The following MNDA variants were observed in gnomAD, a reference collection of about 807,000 sequenced individuals.
MNDA encodes epididymis secretory sperm binding protein.
In MNDA, 43 loss-of-function variants were observed where a neutral mutation model predicts 37.8. That is an observed-to-expected ratio of 1.14 (90% confidence interval 0.89 to 1.47). The LOEUF is 1.47. Among genes scored for constraint, MNDA ranks in the 40% most tolerant of loss-of-function variants. MNDA has a pLI of 0.00. For missense variants in MNDA, 536 were observed against 476.0 expected (o/e 1.13, Z -1.17); for synonymous variants, 181 against 169.0 (o/e 1.07, Z -0.55).
intron 1 of MNDA, among the ~76,000 whole-genome samples, chr1:158,832,949 T>C (rs1242262252): frequency 1.3e-5 from 2 of 152,150 alleles, no homozygotes; most frequent in Non-Finnish European, 2.9e-5. Context: ...TTTCAATTTA[T>C]AGCACTTATT....
In MNDA at chr1:158,847,780, C is replaced by G; in HGVS notation, c.1040C>G (p.Ser347Cys). 1 of 1,613,830 alleles carries G rather than the reference C, an allele frequency of 6.2e-7. No individual in the cohort carries two copies. Among genetic ancestry groups the G allele is most frequent in the Non-Finnish European group, 8.5e-7 (1 of 1,179,862 alleles). The part of the protein sequence containing the change: ...TIYEIQDNTG[S>C]MDVVGSGKWH... ...TATGAAATACAGGATAATACAGGAT[C>G]CATGGATGTAGTGGGGAGTGGAAAA... is the stretch of plus-strand genomic sequence containing the variant. Residue 347 changes from serine (S) to cysteine (C), a missense_variant, in exon 6 of 7, where the codon TCC becomes TGC. Coordinates refer to ENST00000368141, the MANE Select transcript of MNDA (RefSeq NM_002432.3).
intron 1 of MNDA, among the ~76,000 whole-genome samples, chr1:158,838,136 A>G (rs1382845839): frequency 2.0e-5 from 3 of 151,954 alleles, no homozygotes; most frequent in Admixed American, 6.6e-5. Context: ...AAAATAGCAA[A>G]AGTCATGTTT....
At chr1:158,843,138 G>T in intron 2 of MNDA, 141 bp from the exon 3 acceptor site, 2 of 994,748 alleles carry the variant, frequency 2.0e-6, no homozygotes, top group Non-Finnish European at 2.9e-6. Context: ...GAGCCAGGCT[G>T]GGTTAATGCA....
In MNDA at chr1:158,835,926, ATTATC is replaced by A. The variant is rs576753621; in HGVS notation, c.-21+4373_-21+4377del. On this transcript the variant is annotated intron_variant, in intron 1 of 6. Coordinates refer to ENST00000368141, the MANE Select transcript of MNDA (RefSeq NM_002432.3). ...GTCTTTCATTCTGGTAATGTGGTGT[ATTATC>A]TTAATTGATTTTTACAAGTGAAAAA... Among the ~76,000 whole-genome samples, 18 of 151,224 alleles carry A rather than the reference ATTATC, an allele frequency of 1.2e-4. No homozygotes were observed. In the South Asian group the frequency reaches 3.5e-3, roughly 30 times the overall value.
rs760276130 is a variant in MNDA, at chr1:158,843,966, T to G, written c.414T>G (p.Thr138=). 3.0e-5 allele frequency: 48 copies of G among 1,588,400 alleles called. No individual in the cohort carries two copies. The highest frequency in any genetic ancestry group is 4.0e-5 in the Non-Finnish European group (47 of 1,171,716). ...TAAACTACTTTCAGAAAAGAAAAACTCCAAACAAAGAAAAGACTGAAGCCA... is the reference window on the plus strand; with the variant it reads ...TAAACTACTTTCAGAAAAGAAAAACGCCAAACAAAGAAAAGACTGAAGCCA... ...GRIPVAQKRK[T]PNKEKTEAKR... The change falls in exon 4 of 7, where the codon ACT becomes ACG. Residue 138 remains threonine (T), a synonymous_variant. Transcript: ENST00000368141.
intron 1 of MNDA, among the ~76,000 whole-genome samples, chr1:158,834,440 T>G (rs1036849199): frequency 6.6e-6 from 1 of 151,988 alleles, no homozygotes; most frequent in Non-Finnish European, 1.5e-5. Context: ...ACCGTGTTTA[T>G]CAATTTTTAT....
intron 1 of MNDA, among the ~76,000 whole-genome samples, chr1:158,833,969 G>T (rs1026943952): frequency 1.3e-5 from 2 of 152,006 alleles, no homozygotes; most frequent in African/African-American, 2.4e-5. Flanking sequence ...TCCTACCAAT[G>T]ATGTACAAGG....
chr1:158,831,600 T>C (rs778907153), intron 1 of MNDA, 43 bp downstream of exon 1: 1 of 152,200 alleles, frequency 6.6e-6, no homozygotes, highest in African/African-American at 2.4e-5. Flanking sequence ...TCTAGGTATC[T>C]AGTTGGTAAC....
At chr1:158,834,645 A>ATTG (rs139720917) in intron 1 of MNDA, among the ~76,000 whole-genome samples, 1 of 152,004 alleles carries the variant, frequency 6.6e-6, no homozygotes, top group Non-Finnish European at 1.5e-5. Flanking sequence ...TATCTATTTT[A>ATTG]TTGTTGTTGT....
At chr1:158,847,485 G>A (rs1659156270) in intron 5 of MNDA, among the ~76,000 whole-genome samples, 1 of 151,988 alleles carries the variant, frequency 6.6e-6, no homozygotes, top group Non-Finnish European at 1.5e-5. Context: ...GAAGGTGGTA[G>A]CAGGAGAAAA....
chr1:158,843,631 T>C (rs1659073964), intron 3 of MNDA, among the ~76,000 whole-genome samples: 1 of 152,230 alleles, frequency 6.6e-6, no homozygotes, highest in African/African-American at 2.4e-5. Flanking sequence ...AATGGGGTAA[T>C]AATCATATTG....
At chr1:158,840,402 C>T (rs1642678181) in intron 1 of MNDA, among the ~76,000 whole-genome samples, 1 of 152,088 alleles carries the variant, frequency 6.6e-6, no homozygotes, top group South Asian at 2.1e-4. Context: ...AGAATGAGTG[C>T]TAGCAGGGGA....
chr1:158,837,309 A>G (rs1047111955), intron 1 of MNDA, among the ~76,000 whole-genome samples: 1 of 151,852 alleles, frequency 6.6e-6, no homozygotes, highest in Non-Finnish European at 1.5e-5. Flanking sequence ...GTGGAACATT[A>G]AAGTCTCTTA....
intron 1 of MNDA, among the ~76,000 whole-genome samples, chr1:158,835,616 G>T (rs1321097777): frequency 4.5e-5 from 3 of 66,790 alleles, no homozygotes; most frequent in African/African-American, 1.1e-4. Flanking sequence ...TATTTTTGGT[G>T]GGGGCGGGGG....
Position 158,842,285 on chromosome 1 carries a change from C to A in MNDA, c.132C>A (p.Asn44Lys). 4 of 1,614,090 alleles carry A rather than the reference C, an allele frequency of 2.5e-6. No homozygotes were observed. Among genetic ancestry groups the A allele is most frequent in the Non-Finnish European group, 3.4e-6 (4 of 1,179,996 alleles). Residue 44 changes from asparagine to lysine, a missense_variant, in exon 2 of 7, where the codon AAC becomes AAA. Transcript: ENST00000368141. ...GLTTKMQEEY[N>K]RIKITDLMEK... ...CTACAAAAATGCAAGAGGAATACAA[C>A]AGAATTAAGATTACAGATTTGATGG...
intron 1 of MNDA, among the ~76,000 whole-genome samples, chr1:158,835,886 G>A (rs1291405471): frequency 6.6e-6 from 1 of 151,630 alleles, no homozygotes; most frequent in African/African-American, 2.4e-5. Flanking sequence ...CAATTGAGAT[G>A]ATCATTTTTT....
intron 2 of MNDA, among the ~76,000 whole-genome samples, 200 bp from the exon 3 acceptor site, chr1:158,843,079 G>T (rs1414372397): frequency 2.0e-5 from 3 of 152,176 alleles, no homozygotes; most frequent in Non-Finnish European, 2.9e-5. Context: ...AAAGCACTGA[G>T]GAGAATGAGA....
At chr1:158,841,915 A>C (rs1432796869) in intron 1 of MNDA, among the ~76,000 whole-genome samples, 1 of 152,204 alleles carries the variant, frequency 6.6e-6, no homozygotes, top group Non-Finnish European at 1.5e-5. Context: ...CCTCTGTCCC[A>C]ACTTATCAAC....
intron 5 of MNDA, 32 bp downstream of exon 5, chr1:158,846,035 A>G: frequency 6.5e-7 from 1 of 1,531,332 alleles, no homozygotes; most frequent in Non-Finnish European, 8.8e-7. Context: ...AATTTTCTCT[A>G]CCATTACCTG....
Sources: allele counts gnomAD v4.1 joint callset (sites outside exome capture counted in the v4.1 genomes callset), GRCh38; gene constraint gnomAD v4.1.1; transcripts MANE v1.5; gene names NCBI Gene and HGNC (gene_info 2026-07-23, HGNC 2026-07-21).